SCG5: variants seen among roughly 807,000 people sequenced by gnomAD.
SCG5 encodes secretogranin V, also known as neuroendocrine protein 7B2.
A neutral mutation model predicts 25.7 loss-of-function variants in SCG5; 18 were observed. The ratio of observed to expected loss-of-function variants is 0.70; its 90% CI spans 0.48 to 1.04. The LOEUF is 1.04. SCG5 is among the 50% of genes least tolerant of loss of function. The probability of loss-of-function intolerance (pLI) is 0.00; values close to 1 mark genes in which losing one functional copy is unlikely to be tolerated. For missense variants in SCG5, 206 were observed against 259.8 expected, an observed-to-expected ratio of 0.79 and a Z score of 1.42; for synonymous variants, 101 against 91.7, an observed-to-expected ratio of 1.10 and a Z score of -0.58.
intron 5 of SCG5, chr15:32,692,297 A>G (rs1295074953): frequency 2.0e-6 from 2 of 983,762 alleles, no homozygotes; most frequent in African/African-American, 1.7e-5. Context: ...AATCTACTAG[A>G]TCTGTAATAT....
Position 32,690,968 on chromosome 15 carries a change from G to C in SCG5, c.490-742G>C, listed in dbSNP as rs111245027. ...ATCCCCTTCTCCCTTTCTGCCTTCA[G>C]GTTAAGTGTTCTGTCTTTTATAATC... On this transcript the variant is annotated intron_variant, in intron 4 of 5. Transcript: ENST00000300175. Among the ~76,000 whole-genome samples, 1,333 of 149,724 alleles carry C rather than the reference G, an allele frequency of 8.9e-3. 16 individuals are homozygous for C. Among genetic ancestry groups the C allele is most frequent in the Non-Finnish European group, 0.015 (1,003 of 67,644 alleles).
chr15:32,688,973 A>AAAAAAAG (rs2054788674), intron 4 of SCG5, among the ~76,000 whole-genome samples: 1 of 151,848 alleles, frequency 6.6e-6, no homozygotes, highest in Non-Finnish European at 1.5e-5. Flanking sequence ...AAAAAAAAAA[A>AAAAAAAG]AGAAATTAAT....
rs567403507 is a variant in SCG5 at position 32,666,017 on chromosome 15, G to A, written c.227-13749G>A. 2.6e-5 allele frequency: 4 copies of A among 152,276 alleles called. No homozygotes were observed. In the East Asian group the frequency reaches 7.7e-4, roughly 29 times the overall value. 9.4% of individuals were successfully genotyped at this position (152,276 alleles called of 1,614,324 possible). A position where few individuals can be genotyped will look rare whatever the true frequency, so the allele number is the denominator to read the frequency against. ...TTTCCTTTTTCAAAATCCTGTATGA[G>A]CTATTAAATAGGGAAAAACAAACTT... On this transcript the variant is annotated intron_variant, in intron 2 of 5. Transcript: ENST00000300175.
intron 2 of SCG5, among the ~76,000 whole-genome samples, chr15:32,674,599 C>A (rs886822372): frequency 2.0e-5 from 3 of 152,154 alleles, no homozygotes; most frequent in African/African-American, 4.8e-5. Flanking sequence ...TTAGTGCCCT[C>A]TTCTGGACAA....
chr15:32,679,913 C>T lies in SCG5; in HGVS notation c.374C>T (p.Thr125Ile), dbSNP rs758892425. ...CCAAATCCCTGTCCTGTTGGAAAAA[C>T]AGGTAACAGATATGCCTTTGGGTTC... ...DPPNPCPVGK[T>I]ADDGCLENTP... The change falls in exon 3 of 6, where the codon ACA becomes ATA. Residue 125 changes from threonine (T) to isoleucine (I), a missense_variant and splice_region_variant. By Grantham distance (89) the Thr-to-Ile change is moderately conservative. Transcript: ENST00000300175. 16 of 1,609,738 alleles carry T rather than the reference C, an allele frequency of 9.9e-6. No homozygotes were observed. The highest frequency in any genetic ancestry group is 1.4e-5 in the Non-Finnish European group (16 of 1,178,110).
intron 2 of SCG5, among the ~76,000 whole-genome samples, chr15:32,673,527 C>CGTGTGTGTGTGTGTGTGTGTGT (rs55968956): frequency 3.2e-4 from 43 of 134,944 alleles, no homozygotes; most frequent in African/African-American, 1.2e-3. Context: ...ATAAGATCCC[C>CGTGTGTGTGTGTGTGTGTGTGT]GTGTGTGTGT....
At chr15:32,671,564 G>T (rs1389316240) in intron 2 of SCG5, among the ~76,000 whole-genome samples, 1 of 152,124 alleles carries the variant, frequency 6.6e-6, no homozygotes, top group Non-Finnish European at 1.5e-5. Context: ...AATAGCGTGT[G>T]GTGGAACTGC....
At chr15:32,642,163 A>G (rs2053874621) in intron 1 of SCG5, among the ~76,000 whole-genome samples, 2 of 152,070 alleles carry the variant, frequency 1.3e-5, no homozygotes, top group African/African-American at 4.8e-5. Flanking sequence ...TTTTCTTTGC[A>G]GAAAAAGAAA....
chr15:32,642,971 C>A (rs757834857), intron 1 of SCG5, among the ~76,000 whole-genome samples: 1 of 152,192 alleles, frequency 6.6e-6, no homozygotes, highest in Non-Finnish European at 1.5e-5. Context: ...TACGATCACT[C>A]AGCATGTGGC....
At chr15:32,662,516 A>C (rs1187955429) in intron 2 of SCG5, among the ~76,000 whole-genome samples, 2 of 148,048 alleles carry the variant, frequency 1.4e-5, no homozygotes, top group Non-Finnish European at 2.9e-5. Flanking sequence ...ATATTTGTTA[A>C]TACGATGCAT....
intron 2 of SCG5, among the ~76,000 whole-genome samples, chr15:32,649,692 A>C (rs1388608533): frequency 6.6e-6 from 1 of 152,184 alleles, no homozygotes; most frequent in Non-Finnish European, 1.5e-5. Context: ...GCGCCTTAAA[A>C]ACAGCTTGGT....
intron 3 of SCG5, among the ~76,000 whole-genome samples, chr15:32,682,362 C>CCTCTAG (rs1320021145): frequency 5.9e-5 from 9 of 152,176 alleles, no homozygotes; most frequent in Non-Finnish European, 1.0e-4. Flanking sequence ...CTAGTGTTGA[C>CCTCTAG]TGTAGTATGC....
intron 4 of SCG5, among the ~76,000 whole-genome samples, chr15:32,685,185 A>G (rs934326259): frequency 1.3e-5 from 2 of 152,220 alleles, no homozygotes; most frequent in African/African-American, 4.8e-5. Context: ...TGTCAGTCCT[A>G]GGTAAGTGCA....
At chr15:32,649,255 C>T (rs1201561914) in intron 2 of SCG5, among the ~76,000 whole-genome samples, 1 of 152,160 alleles carries the variant, frequency 6.6e-6, no homozygotes, top group African/African-American at 2.4e-5. Flanking sequence ...ATAAATATAC[C>T]TAATGGCAAT....
intron 2 of SCG5, among the ~76,000 whole-genome samples, chr15:32,676,212 C>A (rs2054527622): frequency 6.6e-6 from 1 of 152,150 alleles, no homozygotes; most frequent in Non-Finnish European, 1.5e-5. Context: ...CTTGATCTGA[C>A]ATCATTAAAT....
intron 4 of SCG5, among the ~76,000 whole-genome samples, chr15:32,689,017 TA>T (rs2054790329): frequency 6.6e-6 from 1 of 151,372 alleles, no homozygotes; most frequent in East Asian, 2.0e-4. Flanking sequence ...TGGGGCTGTG[TA>T]AATATTCTGC....
At position 32,696,834 on chromosome 15, in the gene SCG5, C is replaced by T; in HGVS notation, c.*225C>T. ...TTTCTTGGGTTTTTAAAATGTGAAT[C>T]TGCAATGATCATAAAAATTAAAATG... On this transcript the variant is annotated 3_prime_UTR_variant, in exon 6 of 6. Coordinates refer to ENST00000300175, the MANE Select transcript of SCG5 (RefSeq NM_001144757.3). 5.1e-6 allele frequency: 2 copies of T among 389,834 alleles called. No homozygotes were observed. The highest frequency in any genetic ancestry group is 9.2e-6 in the Non-Finnish European group (2 of 217,336). 24.1% of individuals were successfully genotyped at this position (389,834 alleles called of 1,614,324 possible).
At chr15:32,680,983 A>G (rs1056797189) in intron 3 of SCG5, among the ~76,000 whole-genome samples, 7 of 152,168 alleles carry the variant, frequency 4.6e-5, no homozygotes, top group African/African-American at 1.7e-4. Context: ...CAATTTCCTT[A>G]TTTGCAAAAT....
chr15:32,673,294 C>T (rs1595808581), intron 2 of SCG5, among the ~76,000 whole-genome samples: 1 of 152,118 alleles, frequency 6.6e-6, no homozygotes, highest in Non-Finnish European at 1.5e-5. Context: ...GCAGCCACAC[C>T]GATGTCACAA....
Sources: gnomAD v4.1 joint callset for allele counts (sites outside exome capture counted in the v4.1 genomes callset) on GRCh38, gnomAD v4.1.1 for gene constraint, MANE v1.5 for transcripts, NCBI Gene and HGNC (gene_info 2026-07-23, HGNC 2026-07-21) for gene names.